Variants in PTPRN2 observed in about 807,000 individuals in gnomAD.
The protein encoded by PTPRN2 is receptor-type tyrosine-protein phosphatase N2.
A neutral mutation model predicts 118.8 loss-of-function variants in PTPRN2; 74 were observed. The ratio of observed to expected loss-of-function variants is 0.62; its 90% CI spans 0.52 to 0.76. The LOEUF is 0.76. Among genes scored for constraint, PTPRN2 ranks in the 30% least tolerant of loss-of-function variants. The probability of loss-of-function intolerance (pLI) is 0.00; values close to 1 mark genes in which losing one functional copy is unlikely to be tolerated. For synonymous variants in PTPRN2, 641 were observed against 608.0 expected, an observed-to-expected ratio of 1.05 and a Z score of -0.80; for missense variants, 1,481 against 1,394.4, an observed-to-expected ratio of 1.06 and a Z score of -0.99.
intron 3 of PTPRN2, among the ~76,000 whole-genome samples, chr7:158,237,846 C>CAG (rs1795630659): frequency 6.6e-6 from 1 of 152,184 alleles, no homozygotes; most frequent in Non-Finnish European, 1.5e-5. Context: ...CACCCCCCGG[C>CAG]AGACACAGCG....
intron 2 of PTPRN2, among the ~76,000 whole-genome samples, chr7:158,455,281 G>A (rs1391383710): frequency 0.01 from 834 of 82,806 alleles, 22 homozygotes; most frequent in African/African-American, 0.048. Flanking sequence ...GCCACCCATC[G>A]CTCTGCAGAG....
rs76706281 is a variant in PTPRN2, at chr7:157,944,014, G to A, written c.1724-45277C>T. Among the ~76,000 whole-genome samples the A allele has an allele frequency of 3.0e-4, 45 of 152,188 alleles. No homozygotes were observed. In the East Asian group the frequency reaches 3.9e-3, roughly 13 times the overall value. ...TTCTTCCTCTGCCACTTTTCTCCAC[G>A]TTGTAAGGGTTTTAAACCAATGTTT... is the stretch of plus-strand genomic sequence containing the variant. On this transcript the variant is annotated intron_variant, in intron 11 of 22. Transcript: ENST00000389418. The surrounding 1 kb of genome is among the most constrained non-coding windows in gnomAD (Gnocchi z 4.3).
chr7:157,837,921 A>C (rs1355175044), intron 12 of PTPRN2, among the ~76,000 whole-genome samples: 4 of 152,226 alleles, frequency 2.6e-5, no homozygotes, highest in Non-Finnish European at 4.4e-5. Flanking sequence ...GCAAGGGAGA[A>C]AGCTCCTCTC....
intron 1 of PTPRN2, among the ~76,000 whole-genome samples, chr7:158,576,908 C>A: frequency 8.2e-6 from 1 of 122,584 alleles, no homozygotes; most frequent in Non-Finnish European, 1.7e-5. Flanking sequence ...GAGGGCTCCC[C>A]ACCCTGCCTG....
intron 6 of PTPRN2, among the ~76,000 whole-genome samples, chr7:158,145,453 T>A (rs1307294494): frequency 6.6e-6 from 1 of 152,214 alleles, no homozygotes; most frequent in Non-Finnish European, 1.5e-5. Context: ...CCTACTTGTA[T>A]CGACAGAGAG....
In PTPRN2 at chr7:158,069,223, C is replaced by G. The variant is rs181474667; in HGVS notation, c.1723+12075G>C. On this transcript the variant is annotated intron_variant, in intron 11 of 22. Coordinates refer to ENST00000389418, the MANE Select transcript of PTPRN2 (RefSeq NM_002847.5). ...AAATTTTTAGAGATAGGGTCACGCT[C>G]TATCACCCAAGCTCAGGGGCAGTGG... is the stretch of plus-strand genomic sequence containing the variant. 2.0e-3 allele frequency among the ~76,000 whole-genome samples: 309 copies of G among 152,336 alleles called. 1 individual carries two copies. The highest frequency in any genetic ancestry group is 7.2e-3 in the African/African-American group (299 of 41,578).
At chr7:157,878,935 G>T (rs201541246) in intron 12 of PTPRN2, among the ~76,000 whole-genome samples, 1 of 122,170 alleles carries the variant, frequency 8.2e-6, no homozygotes, top group African/African-American at 3.3e-5. Context: ...CTCGGATTCC[G>T]TGGGGCTTGA....
rs115611743 is a variant in PTPRN2 at position 158,272,001 on chromosome 7, T to C, written c.277+44818A>G. ...ATTTGTACTTATATACAAAAATGAA[T>C]TCGTTTGACATTCTTTTAGGGTTAA... is the stretch of plus-strand genomic sequence containing the variant. On this transcript the variant is annotated intron_variant, in intron 3 of 22. Coordinates refer to ENST00000389418, the MANE Select transcript of PTPRN2 (RefSeq NM_002847.5). Among the ~76,000 whole-genome samples the C allele has an allele frequency of 1.0e-2, 1,519 of 152,328 alleles. 26 individuals carry two copies. The highest frequency in any genetic ancestry group is 0.034 in the African/African-American group (1,401 of 41,556).
intron 6 of PTPRN2, among the ~76,000 whole-genome samples, chr7:158,159,723 G>A (rs1347312762): frequency 2.6e-5 from 4 of 152,132 alleles, no homozygotes; most frequent in East Asian, 1.9e-4. Flanking sequence ...TTTCCAAAAC[G>A]CTTTCGCTGT....
chr7:158,300,429 C>T (rs891549753), intron 3 of PTPRN2, among the ~76,000 whole-genome samples: 4 of 152,178 alleles, frequency 2.6e-5, no homozygotes, highest in African/African-American at 9.7e-5. Context: ...TTTGCTTTGA[C>T]ACGCTGCTGT....
chr7:157,940,087 T>C (rs10230047), intron 11 of PTPRN2, among the ~76,000 whole-genome samples: 58,527 of 151,620 alleles, frequency 0.39, 13,522 homozygotes, highest in East Asian at 0.63. Context: ...GGTATGACCA[T>C]GAGCCCCTGT....
intron 3 of PTPRN2, among the ~76,000 whole-genome samples, chr7:158,254,573 C>T (rs1199668346): frequency 5.8e-5 from 1 of 17,174 alleles, no homozygotes; most frequent in Non-Finnish European, 8.9e-5. Context: ...GCCCACGGCA[C>T]GACCTGCCCT....
Position 158,081,374 on chromosome 7 carries a change from A to T in PTPRN2, c.1647T>A (p.Val549=), listed in dbSNP as rs1324812122. ...VPSSAFADVE[V]LGPAVTFKVS... ...CTTTGAAGGTCACTGCTGGTCCGAG[A>T]ACCCTGGAAGGGATAATTTAAAATA... is the stretch of plus-strand genomic sequence containing the variant. The change falls in exon 11 of 23, where the codon GTT becomes GTA. Residue 549 remains valine, a synonymous_variant. Coordinates refer to ENST00000389418, the MANE Select transcript of PTPRN2 (RefSeq NM_002847.5). 3.7e-6 allele frequency: 6 copies of T among 1,613,936 alleles called. No individual in the cohort carries two copies. Among genetic ancestry groups the T allele is most frequent in the Non-Finnish European group, 5.1e-6 (6 of 1,179,922 alleles).
chr7:158,492,108 C>T (rs145254079), intron 1 of PTPRN2, among the ~76,000 whole-genome samples: 8 of 152,340 alleles, frequency 5.3e-5, no homozygotes, highest in Non-Finnish European at 1.2e-4. Flanking sequence ...TGTGAGGGCC[C>T]CTCCCGCCCC....
At position 158,385,000 on chromosome 7, in the gene PTPRN2, C is replaced by T. The variant is rs184596132; in HGVS notation, c.164-68068G>A. On this transcript the variant is annotated intron_variant, in intron 2 of 22. Transcript: ENST00000389418. Reference sequence around the variant, plus strand: ...GCAGGATTTGCTGGTGTGACTTCCGCCCTCACCGCAGAAGAATTTGCTGGT... The same window carrying T: ...GCAGGATTTGCTGGTGTGACTTCCGTCCTCACCGCAGAAGAATTTGCTGGT... Among the ~76,000 whole-genome samples, 806 of 152,106 alleles carry T rather than the reference C, an allele frequency of 5.3e-3. 3 individuals are homozygous for T. Among genetic ancestry groups the T allele is most frequent in the Non-Finnish European group, 9.0e-3 (611 of 68,018 alleles).
intron 1 of PTPRN2, among the ~76,000 whole-genome samples, chr7:158,497,505 C>T (rs1317804622): frequency 6.6e-6 from 1 of 152,090 alleles, no homozygotes; most frequent in African/African-American, 2.4e-5. Flanking sequence ...ACACACATGG[C>T]TGCATTCCTC....
chr7:157,571,566 C>G (rs926888896), intron 19 of PTPRN2, 73 bp from the exon 20 acceptor site: 26 of 1,167,282 alleles, frequency 2.2e-5, no homozygotes, highest in Non-Finnish European at 3.0e-5. Context: ...ACTATTAAAA[C>G]AAAGCGCAAG....
chr7:158,309,702 T>C (rs1012481595), intron 3 of PTPRN2, among the ~76,000 whole-genome samples: 2 of 152,156 alleles, frequency 1.3e-5, no homozygotes, highest in African/African-American at 4.8e-5. Flanking sequence ...TTATACAGCA[T>C]GGTCAAGTAA....
intron 11 of PTPRN2, among the ~76,000 whole-genome samples, chr7:158,039,236 T>C: frequency 6.6e-6 from 1 of 152,222 alleles, no homozygotes; most frequent in Non-Finnish European, 1.5e-5. Context: ...AAAGGATAGC[T>C]ACAGCATGAA....
Sources: allele counts gnomAD v4.1 joint callset (sites outside exome capture counted in the v4.1 genomes callset), GRCh38; gene constraint gnomAD v4.1.1; non-coding constraint Gnocchi (gnomAD v3.1); transcripts MANE v1.5; gene names NCBI Gene and HGNC (gene_info 2026-07-23, HGNC 2026-07-21).